The following TRPM1 variants were observed in gnomAD, a reference collection of about 807,000 sequenced individuals.
TRPM1 encodes the protein transient receptor potential cation channel subfamily M member 1, also known as TRPM1-203 APA Isoform, Intron 10.
A neutral mutation model predicts 149.4 loss-of-function variants in TRPM1; 113 were observed. The ratio of observed to expected loss-of-function variants is 0.76; its 90% CI spans 0.65 to 0.88. TRPM1 has a LOEUF of 0.88. Ranked by LOEUF, TRPM1 falls within the 40% of genes least tolerant of loss-of-function variation. The pLI is 0.00. For missense variants in TRPM1, 1,976 were observed against 2,038.7 expected (o/e 0.97, Z 0.59); for synonymous variants, 741 against 759.5 (o/e 0.98, Z 0.40).
intron 11 of TRPM1, among the ~76,000 whole-genome samples, chr15:31,054,768 A>G (rs939361193): frequency 1.4e-4 from 22 of 152,174 alleles, no homozygotes; most frequent in Non-Finnish European, 2.1e-4. Flanking sequence ...CCATCACCTC[A>G]CATACTTATC....
At chr15:31,036,369 C>G (rs914171600) in intron 20 of TRPM1, among the ~76,000 whole-genome samples, 2 of 152,142 alleles carry the variant, frequency 1.3e-5, no homozygotes, top group Non-Finnish European at 2.9e-5. Flanking sequence ...CTGGCACAGG[C>G]CCCTGTGGAA....
chr15:31,122,320 A>G (rs1407669485), intron 1 of TRPM1, among the ~76,000 whole-genome samples: 1 of 152,214 alleles, frequency 6.6e-6, no homozygotes, highest in Non-Finnish European at 1.5e-5. Context: ...ATCATACTGA[A>G]AATTACAGCT....
Position 31,049,517 on chromosome 15 carries a change from G to C in TRPM1, c.1438-8C>G, listed in dbSNP as rs770003788. 5 of 1,613,468 alleles carry C rather than the reference G, an allele frequency of 3.1e-6. 1 individual carries two copies. The highest frequency in any genetic ancestry group is 3.4e-6 in the Non-Finnish European group (4 of 1,180,036). On this transcript the variant is annotated splice_region_variant and splice_polypyrimidine_tract_variant and intron_variant, in intron 12 of 27. Transcript: ENST00000256552. ...TTGCTCCAAAGCATTCACCTGCAGG[G>C]ACCAAGGGCCGGGAGCCTGTGAGTG...
At chr15:31,073,744 T>C (rs1371833704) in intron 3 of TRPM1, among the ~76,000 whole-genome samples, 1 of 152,136 alleles carries the variant, frequency 6.6e-6, no homozygotes, top group Non-Finnish European at 1.5e-5. Flanking sequence ...ATTAAAATGT[T>C]GAATAGAAGT....
Position 31,003,050 on chromosome 15 carries a change from C to T in TRPM1, c.3650G>A (p.Arg1217Lys), listed in dbSNP as rs1384013938. The change falls in exon 28 of 28, where the codon AGG (arginine) becomes AAG (lysine). Residue 1217 changes from arginine (R) to lysine (K), a missense_variant. By Grantham distance (26) the Arg-to-Lys change is conservative (BLOSUM62 2). This residue lies in a region of TRPM1 where 572 missense variants were observed against 578.9 expected (regional missense o/e 0.99). Coordinates refer to ENST00000256552, the MANE Select transcript of TRPM1 (RefSeq NM_001252024.2). ...TSERVENMSM[R>K]LEEINERETF... ...TTCTCTTTCATTGATTTCTTCCAAC[C>T]TCATTGACATATTTTCAACTCTGGT... The T allele has an allele frequency of 1.2e-6, 2 of 1,604,570 alleles. No individual in the cohort carries two copies. Among genetic ancestry groups the T allele is most frequent in the African/African-American group, 2.7e-5 (2 of 74,316 alleles).
chr15:31,105,358 T>C (rs751747660), upstream of TRPM1, among the ~76,000 whole-genome samples: 1 of 152,096 alleles, frequency 6.6e-6, no homozygotes, highest in Non-Finnish European at 1.5e-5. Context: ...GAAACAGTAT[T>C]CAGAAACTAG....
intron 1 of TRPM1, among the ~76,000 whole-genome samples, chr15:31,157,784 C>T (rs928595911): frequency 6.6e-6 from 1 of 152,130 alleles, no homozygotes; most frequent in Non-Finnish European, 1.5e-5. Flanking sequence ...CTGGGAAGAG[C>T]TGGCCAGCCA....
intron 7 of TRPM1, 124 bp from the exon 8 acceptor site, chr15:31,063,416 G>C: frequency 7.9e-7 from 1 of 1,258,298 alleles, no homozygotes; most frequent in Non-Finnish European, 1.2e-6. Context: ...TATCTGGCTG[G>C]AAGGAATTCA....
chr15:31,060,533 AAC>A lies in TRPM1; in HGVS notation c.1263+9_1263+10del, dbSNP rs1323104559. On this transcript the variant is annotated intron_variant, in intron 11 of 27. Transcript: ENST00000256552. Reference sequence around the variant, plus strand: ...AGATCAATGATATGAATCGAAAAAAAACAGTTTCACCGGCCAGTGGGGCCCAA... The same window carrying A: ...AGATCAATGATATGAATCGAAAAAAAAGTTTCACCGGCCAGTGGGGCCCAA... 7.4e-6 allele frequency: 12 copies of A among 1,612,638 alleles called. No homozygotes were observed. Among genetic ancestry groups the A allele is most frequent in the African/African-American group, 1.3e-5 (1 of 74,918 alleles).
At chr15:31,104,030 T>C (rs1450657016), upstream of TRPM1, among the ~76,000 whole-genome samples, 1 of 150,528 alleles carries the variant, frequency 6.6e-6, no homozygotes, top group Non-Finnish European at 1.5e-5. Context: ...ATGGACACAG[T>C]GTGTGAGGAC....
intron 1 of TRPM1, among the ~76,000 whole-genome samples, chr15:31,098,386 T>C (rs1412507721): frequency 1.3e-5 from 2 of 152,120 alleles, no homozygotes; most frequent in Non-Finnish European, 2.9e-5. Flanking sequence ...GCCGAGATCA[T>C]GCCATTGCAC....
At chr15:31,088,696 T>G (rs1432889992) in intron 1 of TRPM1, among the ~76,000 whole-genome samples, 1 of 151,962 alleles carries the variant, frequency 6.6e-6, no homozygotes, top group Non-Finnish European at 1.5e-5. Context: ...CTTTTTGGGA[T>G]TTGGGGGCCG....
At chr15:31,013,749 TTTAGTGATTTTTGTAGTTGTTGTTTGC>T (rs1490971351) in intron 27 of TRPM1, among the ~76,000 whole-genome samples, 1 of 152,204 alleles carries the variant, frequency 6.6e-6, no homozygotes, top group Non-Finnish European at 1.5e-5. Flanking sequence ...TTGTTGTTTG[TTTAGTGATTTTTGTAGTTGTTGTTTGC>T]TTAGTGATTT....
At chr15:31,143,002 C>T (rs1307202686) in intron 1 of TRPM1, among the ~76,000 whole-genome samples, 1 of 152,150 alleles carries the variant, frequency 6.6e-6, no homozygotes, top group East Asian at 1.9e-4. Flanking sequence ...TCAATTGCAT[C>T]CTTTCTATAA....
At chr15:31,062,511 G>T in intron 9 of TRPM1, 68 bp downstream of exon 9, 2 of 1,594,940 alleles carry the variant, frequency 1.3e-6, no homozygotes. Flanking sequence ...GCACACATGG[G>T]CGGAATTAGA....
intron 1 of TRPM1, among the ~76,000 whole-genome samples, chr15:31,111,401 C>T (rs1274080433): frequency 1.3e-5 from 2 of 152,218 alleles, no homozygotes; most frequent in Admixed American, 1.3e-4. Context: ...CTGAAGTCTT[C>T]ACTCTGGAGT....
chr15:31,138,324 C>G (rs1054667358), intron 1 of TRPM1, among the ~76,000 whole-genome samples: 3 of 152,086 alleles, frequency 2.0e-5, no homozygotes, highest in African/African-American at 4.8e-5. Context: ...CCAAGGGAAG[C>G]TCTGATAAGC....
intron 1 of TRPM1, among the ~76,000 whole-genome samples, chr15:31,110,003 C>G (rs995407408): frequency 6.6e-6 from 1 of 152,182 alleles, no homozygotes; most frequent in Non-Finnish European, 1.5e-5. Flanking sequence ...AAGCTCTGAT[C>G]CAAAAACCTT....
intron 7 of TRPM1, among the ~76,000 whole-genome samples, chr15:31,064,099 A>G (rs946815463): frequency 6.6e-6 from 1 of 152,238 alleles, no homozygotes; most frequent in African/African-American, 2.4e-5. Flanking sequence ...AGAGCCTTAG[A>G]CAGCCATTTG....
Sources: gnomAD v4.1 joint callset for allele counts (sites outside exome capture counted in the v4.1 genomes callset) on GRCh38, gnomAD v4.1.1 for gene constraint, gnomAD v4.1.1 regional missense constraint, MANE v1.5 for transcripts, NCBI Gene and HGNC (gene_info 2026-07-23, HGNC 2026-07-21) for gene names.